VWA3B: variants seen among roughly 807,000 people sequenced by gnomAD.
VWA3B encodes the protein von Willebrand factor A domain containing 3B, also known as von Willebrand factor A domain-containing protein 3B.
Under a neutral mutation model 158.3 loss-of-function variants are expected in VWA3B, and 138 were observed. That is an observed-to-expected ratio of 0.87 (90% CI 0.76 to 1.00). VWA3B has a LOEUF of 1.00. Ranked by LOEUF, VWA3B falls within the 50% of genes least tolerant of loss-of-function variation. VWA3B has a pLI of 0.00. For synonymous variants in VWA3B, 596 were observed against 587.3 expected (o/e 1.01, Z -0.21); for missense variants, 1,555 against 1,565.1 (o/e 0.99, Z 0.11).
intron 7 of VWA3B, among the ~76,000 whole-genome samples, chr2:98,140,278 C>A (rs1676670847): frequency 2.6e-5 from 4 of 152,250 alleles, no homozygotes; most frequent in African/African-American, 7.2e-5. Flanking sequence ...TCCTTCCTCC[C>A]AGCACTGACC....
intron 9 of VWA3B, among the ~76,000 whole-genome samples, chr2:98,184,610 A>T (rs1680862362): frequency 6.6e-6 from 1 of 151,844 alleles, no homozygotes; most frequent in Non-Finnish European, 1.5e-5. Context: ...ACCCTCTCTG[A>T]CTCCTAAAAT....
intron 12 of VWA3B, among the ~76,000 whole-genome samples, chr2:98,205,055 A>G (rs1311076054): frequency 6.6e-6 from 1 of 152,174 alleles, no homozygotes. Context: ...GGCTGCAGTG[A>G]GCTGAGATGG....
intron 2 of VWA3B, among the ~76,000 whole-genome samples, chr2:98,113,858 C>T (rs1224391965): frequency 1.3e-5 from 2 of 152,066 alleles, no homozygotes; most frequent in Non-Finnish European, 2.9e-5. Flanking sequence ...CTTTTTGCGA[C>T]CATATGTATT....
At position 98,211,964 on chromosome 2, in the gene VWA3B, A is replaced by C; in HGVS notation, c.1772A>C (p.Lys591Thr). The change falls in exon 13 of 28, where the codon AAA (lysine) becomes ACA (threonine). Residue 591 changes from lysine (K) to threonine (T), a missense_variant. Lys to Thr is a moderately conservative substitution (Grantham distance 78). Transcript: ENST00000477737. ...TCCACAAACACCCTGAGTGCCCTGA[A>C]AACTGCTTTTGCTGATAAAGAAACA... ...GSSTNTLSAL[K>T]TAFADKETQA... 6.2e-7 allele frequency: 1 copy of C among 1,614,140 alleles called. No individual in the cohort carries two copies. Among genetic ancestry groups the C allele is most frequent in the South Asian group, 1.1e-5 (1 of 91,078 alleles).
At position 98,158,609 on chromosome 2, in the gene VWA3B, C is replaced by T. The variant is rs150785105; in HGVS notation, c.989-4242C>T. Among the ~76,000 whole-genome samples, 700 of 152,280 alleles carry T rather than the reference C, an allele frequency of 4.6e-3. 2 individuals carry two copies. Among genetic ancestry groups the T allele is most frequent in the African/African-American group, 0.016 (657 of 41,552 alleles). On this transcript the variant is annotated intron_variant, in intron 7 of 27. Coordinates refer to ENST00000477737, the MANE Select transcript of VWA3B (RefSeq NM_144992.5). ...CACATGGACAGGTTCACTAATGGTG[C>T]GGCCCGAGCGTGTCCTGGCAGCAAG...
At chr2:98,201,989 ATTG>A (rs996293275) in intron 12 of VWA3B, among the ~76,000 whole-genome samples, 53 of 152,128 alleles carry the variant, frequency 3.5e-4, no homozygotes, top group Non-Finnish European at 6.6e-4. Flanking sequence ...TTTCTTAGAA[ATTG>A]TTGTCTAATT....
intron 14 of VWA3B, among the ~76,000 whole-genome samples, chr2:98,225,629 C>G (rs933631863): frequency 1.3e-5 from 2 of 148,794 alleles, no homozygotes; most frequent in African/African-American, 5.0e-5. Flanking sequence ...AAAAGGCATA[C>G]AGATTGAGAA....
chr2:98,296,085 G>T (rs1047631762), intron 23 of VWA3B, among the ~76,000 whole-genome samples: 9 of 152,204 alleles, frequency 5.9e-5, no homozygotes, highest in African/African-American at 2.2e-4. Context: ...AGTGATAAAT[G>T]GTTTAGGCTT....
chr2:98,241,512 C>CAGAT (rs1686071103), intron 19 of VWA3B, among the ~76,000 whole-genome samples: 1 of 151,706 alleles, frequency 6.6e-6, no homozygotes, highest in South Asian at 2.1e-4. Context: ...TGAAACACTG[C>CAGAT]GGATGTACCC....
intron 2 of VWA3B, among the ~76,000 whole-genome samples, chr2:98,104,747 T>C (rs1245510656): frequency 6.6e-6 from 1 of 152,210 alleles, no homozygotes; most frequent in Non-Finnish European, 1.5e-5. Flanking sequence ...CTTTTGGCCT[T>C]CTTTTGTGCT....
intron 8 of VWA3B, among the ~76,000 whole-genome samples, chr2:98,178,935 C>T (rs192242445): frequency 1.2e-4 from 19 of 152,286 alleles, no homozygotes; most frequent in African/African-American, 4.1e-4. Flanking sequence ...ACCCCTTCTG[C>T]GTCTTCGTAG....
At chr2:98,213,799 G>T (rs1021447173) in intron 13 of VWA3B, among the ~76,000 whole-genome samples, 2 of 152,096 alleles carry the variant, frequency 1.3e-5, no homozygotes, top group African/African-American at 4.8e-5. Flanking sequence ...GAGACATCTA[G>T]GCAAGTCAAG....
chr2:98,290,752 A>T (rs1161104183), intron 23 of VWA3B, 130 bp downstream of exon 23: 1 of 672,824 alleles, frequency 1.5e-6, no homozygotes, highest in Non-Finnish European at 2.5e-6. Flanking sequence ...TCCACTTTTC[A>T]CAGAGAAGAA....
At chr2:98,211,453 G>C (rs888960872) in intron 12 of VWA3B, among the ~76,000 whole-genome samples, 1 of 152,326 alleles carries the variant, frequency 6.6e-6, no homozygotes, top group East Asian at 1.9e-4. Flanking sequence ...GCTAAAAACA[G>C]AACTTGTCAG....
At position 98,272,586 on chromosome 2, in the gene VWA3B, T is replaced by C. The variant is rs117613411; in HGVS notation, c.3045+1703T>C. On this transcript the variant is annotated intron_variant, in intron 22 of 27. Transcript: ENST00000477737. ...GGAGGTTGGGGGTTGGCGCTGAAAG[T>C]CTTAACTCTCTAATCCTGCCTTGGT... Among the ~76,000 whole-genome samples the C allele has an allele frequency of 5.9e-5, 9 of 152,226 alleles. No individual in the cohort carries two copies. The East Asian group carries it at 1.5e-3, about 26-fold the overall frequency.
intron 12 of VWA3B, among the ~76,000 whole-genome samples, chr2:98,208,450 G>A (rs963149879): frequency 6.6e-6 from 1 of 151,470 alleles, no homozygotes; most frequent in South Asian, 2.1e-4. Flanking sequence ...CTTTTGTCTT[G>A]CCTTCCTATG....
rs1674803131 is a variant in VWA3B, at chr2:98,119,652, T to C, written c.431T>C (p.Ile144Thr). The change falls in exon 4 of 28, where the codon ATA becomes ACA. Residue 144 changes from isoleucine to threonine, a missense_variant. Physicochemically the swap from Ile to Thr is moderately conservative, Grantham distance 89. Coordinates refer to ENST00000477737, the MANE Select transcript of VWA3B (RefSeq NM_144992.5). ...FGVILEQCVT[I>T]VLDFGGILEG... The stretch of plus-strand genomic sequence containing the variant: ...GTCATCTTGGAACAGTGCGTCACCA[T>C]AGTGCTGGATTTTGGCGGCATTCTG... 1 of 1,614,116 alleles carries C rather than the reference T, an allele frequency of 6.2e-7. No homozygotes were observed. Among genetic ancestry groups the C allele is most frequent in the Non-Finnish European group, 8.5e-7 (1 of 1,180,010 alleles).
intron 3 of VWA3B, 119 bp downstream of exon 3, chr2:98,115,865 A>T: frequency 9.2e-6 from 7 of 761,406 alleles, no homozygotes; most frequent in Non-Finnish European, 1.5e-5. Flanking sequence ...CCAAGCCCTT[A>T]TTAGGCTGGG....
chr2:98,119,871 G>A, intron 4 of VWA3B, 108 bp downstream of exon 4: 2 of 1,357,366 alleles, frequency 1.5e-6, no homozygotes, highest in Non-Finnish European at 2.0e-6. Flanking sequence ...TGAGGGAAGA[G>A]GCATTATCTT....
Sources: gnomAD v4.1 joint callset for allele counts (sites outside exome capture counted in the v4.1 genomes callset) on GRCh38, gnomAD v4.1.1 for gene constraint, MANE v1.5 for transcripts, NCBI Gene and HGNC (gene_info 2026-07-23, HGNC 2026-07-21) for gene names.